The following ZMYM1 variants were observed in gnomAD, a reference collection of about 807,000 sequenced individuals.
ZMYM1 encodes zinc finger MYM-type protein 1.
ZMYM1 carries 39 observed loss-of-function variants against 60.0 expected under a neutral mutation model. The ratio of observed to expected loss-of-function variants is 0.65; its 90% confidence interval spans 0.50 to 0.85. The LOEUF is 0.85. ZMYM1 is among the 40% of genes least tolerant of loss of function. The pLI, the probability that ZMYM1 is intolerant of heterozygous loss-of-function variation, is 0.00. For synonymous variants in ZMYM1, 413 were observed against 454.0 expected (o/e 0.91, Z 1.15); for missense variants, 1,171 against 1,309.5 (o/e 0.89, Z 1.63).
At position 35,108,857 on chromosome 1, in the gene ZMYM1, T is replaced by C. The variant is rs1485112822; in HGVS notation, c.808-1437T>C. Among the ~76,000 whole-genome samples the C allele has an allele frequency of 2.0e-5, 3 of 151,830 alleles. No individual in the cohort carries two copies. The East Asian group carries it at 5.8e-4, about 29-fold the overall frequency. Reference sequence around the variant, plus strand: ...TCCCATGTAGCTGGGACCACAGGCATGCGCCACCACACCTGGTTAATGTTT... The same window carrying C: ...TCCCATGTAGCTGGGACCACAGGCACGCGCCACCACACCTGGTTAATGTTT... On this transcript the variant is annotated intron_variant, in intron 6 of 9. Coordinates refer to ENST00000359858, the MANE Select transcript of ZMYM1 (RefSeq NM_024772.5).
intron 9 of ZMYM1, among the ~76,000 whole-genome samples, chr1:35,112,490 A>T (rs1402257533): frequency 6.8e-6 from 1 of 146,124 alleles, no homozygotes; most frequent in Non-Finnish European, 1.5e-5. Context: ...GATTTTTTAT[A>T]TATATATATA....
chr1:35,079,323 C>T (rs1642239244), upstream of ZMYM1: 1 of 152,278 alleles, frequency 6.6e-6, no homozygotes, highest in Non-Finnish European at 1.5e-5. Context: ...CCACCCTGAG[C>T]CAGCGGCCCT....
chr1:35,074,643 G>A (rs537547785), upstream of ZMYM1, among the ~76,000 whole-genome samples: 86 of 151,896 alleles, frequency 5.7e-4, no homozygotes, highest in African/African-American at 1.9e-3. Context: ...TCCTGACCTC[G>A]TGATCCACCC....
At chr1:35,081,724 C>G (rs902260540) in intron 1 of ZMYM1, among the ~76,000 whole-genome samples, 2 of 152,112 alleles carry the variant, frequency 1.3e-5, no homozygotes, top group African/African-American at 4.8e-5. Context: ...GAGACGGAGT[C>G]GCACTGTGTC....
rs1429337037 is a variant in ZMYM1 at position 35,113,606 on chromosome 1, GA to G, written c.1777del (p.Arg593GlufsTer13). On this transcript the variant is annotated frameshift_variant, in exon 10 of 10. Coordinates refer to ENST00000359858, the MANE Select transcript of ZMYM1 (RefSeq NM_024772.5). LOFTEE classifies it high-confidence loss of function. ...KGNFLELLEM[R>X]AKDKGEETFR... ...GCAATTTTTTAGAATTGTTAGAAAT[GA>G]GAGCAAAAGATAAAGGAGAAGAAAC... 1 of 1,613,596 alleles carries G rather than the reference GA, an allele frequency of 6.2e-7. No homozygotes were observed. The highest frequency in any genetic ancestry group is 1.3e-5 in the African/African-American group (1 of 74,904).
chr1:35,108,821 C>T (rs1643987699), intron 6 of ZMYM1, among the ~76,000 whole-genome samples: 2 of 151,500 alleles, frequency 1.3e-5, no homozygotes, highest in African/African-American at 2.4e-5. Context: ...AGCAATCCTC[C>T]TGCCTCAGCC....
upstream of ZMYM1, among the ~76,000 whole-genome samples, chr1:35,078,537 ATTTTTTT>A (rs751468260): frequency 0.079 from 6,487 of 81,772 alleles, 340 homozygotes; most frequent in African/African-American, 0.3. Context: ...GGTTATTTTA[ATTTTTTT>A]TTTTTTTTTT....
downstream of ZMYM1, among the ~76,000 whole-genome samples, chr1:35,117,548 C>T (rs1644261870): frequency 6.6e-6 from 1 of 151,704 alleles, no homozygotes; most frequent in Non-Finnish European, 1.5e-5. Context: ...TCTCGAACTC[C>T]TGACCTCAGG....
chr1:35,095,501 G>GAAAAAAAAAAAAAAAAAAAAAAA (rs60070624), intron 2 of ZMYM1, among the ~76,000 whole-genome samples: 1 of 107,922 alleles, frequency 9.3e-6, no homozygotes, highest in Non-Finnish European at 2.1e-5. Context: ...AAAAAAAAAA[G>GAAAAAAAAAAAAAAAAAAAAAAA]AAAAAAAAAA....
intron 1 of ZMYM1, among the ~76,000 whole-genome samples, chr1:35,083,867 C>T (rs1460781554): frequency 6.6e-6 from 1 of 152,198 alleles, no homozygotes; most frequent in African/African-American, 2.4e-5. Flanking sequence ...AAACTCCTGC[C>T]TTGGCTTCCC....
rs199637567 is a variant in ZMYM1, at chr1:35,112,972, C to G, written c.1147-5C>G. On this transcript the variant is annotated splice_polypyrimidine_tract_variant and splice_region_variant and intron_variant, in intron 9 of 9. Coordinates refer to ENST00000359858, the MANE Select transcript of ZMYM1 (RefSeq NM_024772.5). ...TAAATGTTCTTTTCTCATTTTCTCCCAAAGCTTTCTAAGAGTTCACCTAGT... is the reference window on the plus strand; with the variant it reads ...TAAATGTTCTTTTCTCATTTTCTCCGAAAGCTTTCTAAGAGTTCACCTAGT... The G allele has an allele frequency of 9.2e-5, 139 of 1,508,658 alleles. No homozygotes were observed. Among genetic ancestry groups the G allele is most frequent in the Non-Finnish European group, 1.2e-4 (134 of 1,130,118 alleles). 93.5% of individuals were successfully genotyped at this position (1,508,658 alleles called of 1,614,324 possible).
At chr1:35,100,315 T>A (rs142818392) in intron 4 of ZMYM1, among the ~76,000 whole-genome samples, 14 of 152,104 alleles carry the variant, frequency 9.2e-5, no homozygotes, top group Non-Finnish European at 1.6e-4. Flanking sequence ...ACATTTTAAA[T>A]CTTATTAGAA....
At chr1:35,063,465 C>T (rs1641911200) in intron 1 of ZMYM1, among the ~76,000 whole-genome samples, 1 of 151,916 alleles carries the variant, frequency 6.6e-6, no homozygotes, top group East Asian at 1.9e-4. Flanking sequence ...AAACCAATGG[C>T]GAATTTTTAA....
chr1:35,091,490 G>C (rs996647161), intron 1 of ZMYM1, among the ~76,000 whole-genome samples: 1 of 152,148 alleles, frequency 6.6e-6, no homozygotes, highest in African/African-American at 2.4e-5. Context: ...TGGGATTACA[G>C]GCGTGAGCCA....
At position 35,104,356 on chromosome 1, in the gene ZMYM1, AC is replaced by A. The variant is rs1396623551; in HGVS notation, c.482del (p.Thr161IlefsTer27). 6.2e-7 allele frequency: 1 copy of A among 1,612,484 alleles called. No homozygotes were observed. ...VQLEDTTSCK[T>X]FCSLSCLSSY... ...GCTGGAAGACACTACCTCTTGCAAA[AC>A]TTTTTGCAGCCTATCTTGTCTTTCA... is the stretch of plus-strand genomic sequence containing the variant. On this transcript the variant is annotated frameshift_variant, in exon 5 of 10. Transcript: ENST00000359858. LOFTEE classifies it high-confidence loss of function.
intron 6 of ZMYM1, among the ~76,000 whole-genome samples, chr1:35,108,841 G>A (rs1346268725): frequency 6.6e-6 from 1 of 151,564 alleles, no homozygotes; most frequent in Non-Finnish European, 1.5e-5. Context: ...CTCCCATGTA[G>A]CTGGGACCAC....
intron 3 of ZMYM1, among the ~76,000 whole-genome samples, chr1:35,096,743 C>G (rs932691785): frequency 2.6e-5 from 4 of 152,062 alleles, no homozygotes. Context: ...GCTCTGTTGC[C>G]AGGCTGGAGG....
At chr1:35,085,205 G>A (rs867623433) in intron 1 of ZMYM1, among the ~76,000 whole-genome samples, 5 of 151,808 alleles carry the variant, frequency 3.3e-5, no homozygotes, top group Admixed American at 6.6e-5. Flanking sequence ...CCACTACCAC[G>A]CCTGGCTAAT....
chr1:35,113,550 A>G lies in ZMYM1; in HGVS notation c.1720A>G (p.Asn574Asp), dbSNP rs1644168350. The G allele has an allele frequency of 6.8e-6, 11 of 1,613,386 alleles. No individual in the cohort carries two copies. The highest frequency in any genetic ancestry group is 9.3e-6 in the Non-Finnish European group (11 of 1,179,800). Residue 574 changes from asparagine (N) to aspartate (D), a missense_variant, in exon 10 of 10, where the codon AAC (asparagine) becomes GAC (aspartate). Asn to Asp is a conservative substitution (Grantham distance 23). Transcript: ENST00000359858. ...AAAGCAGTGTTTACCCTTAAGAGGA[A>G]ACGACCAGTCAGTTTCATCTGTGAA... ...LGKQCLPLRG[N>D]DQSVSSVNKG...
Sources: gnomAD v4.1 joint callset for allele counts (sites outside exome capture counted in the v4.1 genomes callset) on GRCh38, gnomAD v4.1.1 for gene constraint, MANE v1.5 for transcripts, NCBI Gene and HGNC (gene_info 2026-07-23, HGNC 2026-07-21) for gene names.